The following ARHGEF1 variants were observed in gnomAD, a reference collection of about 807,000 sequenced individuals.
ARHGEF1 encodes 115 kDa guanine nucleotide exchange factor.
In ARHGEF1, 40 loss-of-function variants were observed where a neutral mutation model predicts 119.7. The ratio of observed to expected loss-of-function variants is 0.33; its 90% CI spans 0.26 to 0.44. ARHGEF1 has a LOEUF of 0.44. Ranked by LOEUF, ARHGEF1 falls within the 20% of genes least tolerant of loss-of-function variation. The probability of loss-of-function intolerance (pLI) is 1.00; values close to 1 mark genes in which losing one functional copy is unlikely to be tolerated. For synonymous variants in ARHGEF1, 494 were observed against 521.0 expected, an observed-to-expected ratio of 0.95 and a Z score of 0.71; for missense variants, 976 against 1,268.3, an observed-to-expected ratio of 0.77 and a Z score of 3.50.
Position 41,889,188 on chromosome 19 carries a change from A to T in ARHGEF1, c.225+323A>T, listed in dbSNP as rs1210734723. 4.0e-6 allele frequency: 1 copy of T among 251,526 alleles called. No individual in the cohort carries two copies. The highest frequency in any genetic ancestry group is 2.2e-5 in the African/African-American group (1 of 45,638). The allele number at this position is 251,526 out of a possible 1,614,324, so 15.6% of individuals were successfully genotyped here. ...ACTCTGTGCCTGTGGCAGCGCCCCC[A>T]TCAGCCTGTGGCAGCACCTTTCCGT... On this transcript the variant is annotated intron_variant, in intron 4 of 28. Coordinates refer to ENST00000354532, the MANE Select transcript of ARHGEF1 (RefSeq NM_004706.4). This position sits in a 1 kb window ranked among gnomAD's most constrained non-coding sequence, Gnocchi z 4.0.
At chr19:41,913,123 G>C (rs2074763941) in intron 18 of ARHGEF1, among the ~76,000 whole-genome samples, 1 of 149,496 alleles carries the variant, frequency 6.7e-6, no homozygotes, top group Non-Finnish European at 1.5e-5. Flanking sequence ...TCCCGGCCCC[G>C]AGACCCCGTT....
chr19:41,923,141 C>T, exon 1 of ARHGEF1: 1 of 456,402 alleles, frequency 2.2e-6, no homozygotes, highest in Non-Finnish European at 4.4e-6. Flanking sequence ...ATGATGGATG[C>T]CCATTTCACA....
chr19:41,902,508 C>T lies in ARHGEF1; in HGVS notation c.1498-25C>T, dbSNP rs1555849246. 1.2e-6 allele frequency: 2 copies of T among 1,613,840 alleles called. No homozygotes were observed. The highest frequency in any genetic ancestry group is 1.7e-5 in the Admixed American group (1 of 60,018). ...TTCTTGCCCATCCCCACTGAGACAC[C>T]TGCCTGGCCTGAATCTCGCTGTAGT... is the stretch of plus-strand genomic sequence containing the variant. On this transcript the variant is annotated intron_variant, in intron 16 of 28. Transcript: ENST00000354532. This position sits in a 1 kb window ranked among gnomAD's most constrained non-coding sequence, Gnocchi z 6.5.
In ARHGEF1 at chr19:41,894,403, G is replaced by A. The variant is rs145191723; in HGVS notation, c.745-48G>A. On this transcript the variant is annotated intron_variant, in intron 9 of 28. Transcript: ENST00000354532. ...ACCTAGCGTCAAATTCTGCTTTGTT[G>A]TTGTCTCAGAGATGCTTAGCCTGGT... 113 of 1,526,264 alleles carry A rather than the reference G, an allele frequency of 7.4e-5. No individual in the cohort carries two copies. In the African/African-American group the frequency reaches 1.3e-3, roughly 17 times the overall value. The allele number at this position is 1,526,264 out of a possible 1,614,324, so 94.5% of individuals were successfully genotyped here. A position where few individuals can be genotyped will look rare whatever the true frequency, so the allele number is the denominator to read the frequency against.
chr19:41,910,809 C>T (rs549900884), downstream of ARHGEF1, among the ~76,000 whole-genome samples: 2 of 152,270 alleles, frequency 1.3e-5, no homozygotes, highest in African/African-American at 4.8e-5. The surrounding 1 kb of genome is among the most constrained non-coding windows in gnomAD (Gnocchi z 4.4). Context: ...CACACTGGGA[C>T]ACAGGCACAC....
At chr19:41,908,065 TGA>T (rs1555850814), downstream of ARHGEF1, 15 of 480,234 alleles carry the variant, frequency 3.1e-5, no homozygotes, top group Admixed American at 5.3e-4. The surrounding 1 kb of genome is among the most constrained non-coding windows in gnomAD (Gnocchi z 6.7). Context: ...GAGGGGGAAG[TGA>T]GACCCCCCCC....
intron 14 of ARHGEF1, among the ~76,000 whole-genome samples, chr19:41,899,147 C>T (rs1226287024): frequency 6.6e-6 from 1 of 152,048 alleles, no homozygotes; most frequent in Non-Finnish European, 1.5e-5. Flanking sequence ...TACCACCATG[C>T]CTGGCTAATT....
intron 13 of ARHGEF1, chr19:41,898,105 A>T: frequency 7.3e-7 from 1 of 1,376,372 alleles, no homozygotes; most frequent in Non-Finnish European, 9.3e-7. Context: ...GCCCTGCCCG[A>T]CGAGCCACGT....
At position 41,907,306 on chromosome 19, in the gene ARHGEF1, C is replaced by T; in HGVS notation, c.*219C>T. On this transcript the variant is annotated 3_prime_UTR_variant, in exon 29 of 29. Transcript: ENST00000354532. ...TGCCCTCTGCTTGGGGGACTCAGGG[C>T]TCCATTCTGGAGGGCACCACGGTGA... is the stretch of plus-strand genomic sequence containing the variant. 1 of 1,533,020 alleles carries T rather than the reference C, an allele frequency of 6.5e-7. No individual in the cohort carries two copies. Among genetic ancestry groups the T allele is most frequent in the South Asian group, 1.2e-5 (1 of 83,648 alleles). 95.0% of individuals were successfully genotyped at this position (1,533,020 alleles called of 1,614,324 possible).
rs781947739 is a variant in ARHGEF1, at chr19:41,898,297, C to T, written c.1122-145C>T. On this transcript the variant is annotated intron_variant, in intron 13 of 28. Transcript: ENST00000354532. ...GAGATCTGGGAACTCTAGTGTGGTC[C>T]GATCTAGAGACCTGGTCTGCTGCAC... 3.5e-5 allele frequency: 48 copies of T among 1,361,134 alleles called. No individual in the cohort carries two copies. In the African/African-American group the frequency reaches 4.4e-4, roughly 12 times the overall value. 84.3% of individuals were successfully genotyped at this position (1,361,134 alleles called of 1,614,324 possible).
chr19:41,923,978 C>A lies in ARHGEF1; in HGVS notation c.140+745C>A, dbSNP rs1475905953. ...GCTGTGCTGGGGGGAGGTAGGGGTGCGCTGGGAGGGGGCTGTGCTGGGGGT... is the reference window on the plus strand; with the variant it reads ...GCTGTGCTGGGGGGAGGTAGGGGTGAGCTGGGAGGGGGCTGTGCTGGGGGT... On this transcript the variant is annotated intron_variant, in intron 1 of 2. Coordinates refer to the ARHGEF1 transcript ENST00000594417. Among the ~76,000 whole-genome samples, 4 of 36,692 alleles carry A rather than the reference C, an allele frequency of 1.1e-4. 1 individual carries two copies. The highest frequency in any genetic ancestry group is 4.7e-4 in the African/African-American group (4 of 8,578). 24.1% of individuals were successfully genotyped at this position (36,692 alleles called of 152,430 possible). A position where few individuals can be genotyped will look rare whatever the true frequency, so the allele number is the denominator to read the frequency against.
chr19:41,901,289 A>G (rs1405999968), intron 14 of ARHGEF1, among the ~76,000 whole-genome samples: 1 of 151,674 alleles, frequency 6.6e-6, no homozygotes, highest in Non-Finnish European at 1.5e-5. Flanking sequence ...AGCTGGGACT[A>G]CAAGAGTCCG....
At position 41,904,518 on chromosome 19, in the gene ARHGEF1, G is replaced by A; in HGVS notation, c.2161+135G>A. 8.7e-7 allele frequency: 1 copy of A among 1,144,054 alleles called. No homozygotes were observed. Among genetic ancestry groups the A allele is most frequent in the South Asian group, 1.6e-5 (1 of 62,068 alleles). 70.9% of individuals were successfully genotyped at this position (1,144,054 alleles called of 1,614,324 possible). The stretch of plus-strand genomic sequence containing the variant: ...CAAAGAGGTTGAGAAGTAGGTGGAG[G>A]TGGGCAGGGCGGGGCCAGGCCTAGA... On this transcript the variant is annotated intron_variant, in intron 22 of 28. Coordinates refer to ENST00000354532, the MANE Select transcript of ARHGEF1 (RefSeq NM_004706.4). This position sits in a 1 kb window ranked among gnomAD's most constrained non-coding sequence, Gnocchi z 8.4.
chr19:41,894,140 G>T, intron 8 of ARHGEF1, 67 bp from the exon 9 acceptor site: 1 of 832,722 alleles, frequency 1.2e-6, no homozygotes. Flanking sequence ...GTGTGAGTGT[G>T]TGTGTGTGTG....
In ARHGEF1 at chr19:41,896,696, C is replaced by A. The variant is rs1555847728; in HGVS notation, c.1121+214C>A. The A allele has an allele frequency of 2.9e-5, 20 of 695,194 alleles. No individual in the cohort carries two copies. In the East Asian group the frequency reaches 4.1e-4, roughly 14 times the overall value. 43.1% of individuals were successfully genotyped at this position (695,194 alleles called of 1,614,324 possible). A position where few individuals can be genotyped will look rare whatever the true frequency, so the allele number is the denominator to read the frequency against. ...ATTGCCCCCCTTTCCTTTTATCCTT[C>A]CTTTTTCCTCTGCTCCTTCCTCTCC... On this transcript the variant is annotated intron_variant, in intron 13 of 28. Coordinates refer to ENST00000354532, the MANE Select transcript of ARHGEF1 (RefSeq NM_004706.4).
At chr19:41,922,714 G>A (rs1247133300), upstream of ARHGEF1, among the ~76,000 whole-genome samples, 1 of 152,180 alleles carries the variant, frequency 6.6e-6, no homozygotes, top group Non-Finnish European at 1.5e-5. Context: ...GATCCCACAA[G>A]GGCCGGGGTC....
downstream of ARHGEF1, chr19:41,910,200 G>T: frequency 1.7e-6 from 2 of 1,143,646 alleles, no homozygotes; most frequent in Non-Finnish European, 2.5e-6. This position sits in a 1 kb window ranked among gnomAD's most constrained non-coding sequence, Gnocchi z 4.4. Flanking sequence ...TTCTCCTCCA[G>T]TCTCAGGCAT....
intron 1 of ARHGEF1, among the ~76,000 whole-genome samples, chr19:41,923,512 AAG>A (rs1239075459): frequency 1.3e-5 from 2 of 149,794 alleles, no homozygotes; most frequent in African/African-American, 5.0e-5. Context: ...GCCAGAAACC[AAG>A]AGAGACAGAG....
chr19:41,888,259 T>C lies in ARHGEF1; in HGVS notation c.92T>C (p.Phe31Ser). 6.2e-7 allele frequency: 1 copy of C among 1,613,990 alleles called. No homozygotes were observed. The highest frequency in any genetic ancestry group is 8.5e-7 in the Non-Finnish European group (1 of 1,179,980). ...ATCATCGGGGCTGAGGATGAGGATT[T>C]TGAGAACGAGCTGGAGACAGTGAGT... ...VSIIGAEDED[F>S]ENELETNSEE... is the part of the protein sequence containing the mutation. Residue 31 changes from phenylalanine to serine, a missense_variant, in exon 3 of 29, where the codon TTT (phenylalanine) becomes TCT (serine). By Grantham distance (155) the Phe-to-Ser change is radical (BLOSUM62 -2). Around this residue, in one of 3 missense-constraint regions of ARHGEF1, gnomAD observed 519 missense variants for 580.9 expected, o/e 0.89. Coordinates refer to ENST00000354532, the MANE Select transcript of ARHGEF1 (RefSeq NM_004706.4). This position sits in a 1 kb window ranked among gnomAD's most constrained non-coding sequence, Gnocchi z 5.1.
Sources: allele counts gnomAD v4.1 joint callset (sites outside exome capture counted in the v4.1 genomes callset), GRCh38; gene constraint gnomAD v4.1.1; regional missense constraint gnomAD v4.1.1; non-coding constraint Gnocchi (gnomAD v3.1); transcripts MANE v1.5; gene names NCBI Gene and HGNC (gene_info 2026-07-23, HGNC 2026-07-21).